The following FNDC3A variants were observed in gnomAD, a reference collection of about 807,000 sequenced individuals.
FNDC3A encodes fibronectin type-III domain-containing protein 3A.
A neutral mutation model predicts 148.9 loss-of-function variants in FNDC3A; 32 were observed. The ratio of observed to expected loss-of-function variants is 0.21; its 90% CI spans 0.16 to 0.29. The LOEUF (loss-of-function observed/expected upper bound fraction) is 0.29, where lower values mean the gene tolerates loss of function less well. Ranked by LOEUF, FNDC3A falls within the 10% of genes least tolerant of loss-of-function variation. FNDC3A has a pLI of 1.00. For synonymous variants in FNDC3A, 472 were observed against 473.6 expected (o/e 1.00, Z 0.04); for missense variants, 1,191 against 1,452.8 (o/e 0.82, Z 2.93).
intron 4 of FNDC3A, among the ~76,000 whole-genome samples, chr13:49,130,465 C>T (rs1418559750): frequency 1.3e-5 from 2 of 151,914 alleles, no homozygotes; most frequent in Non-Finnish European, 2.9e-5. Context: ...CTTGTTTTCC[C>T]CTACTCCTAG....
At chr13:49,192,780 T>C (rs1433825805) in intron 19 of FNDC3A, among the ~76,000 whole-genome samples, 1 of 152,196 alleles carries the variant, frequency 6.6e-6, no homozygotes, top group East Asian at 1.9e-4. Context: ...TAAGTAAATA[T>C]TTACTTTCCG....
chr13:49,059,795 C>G (rs947867289), intron 2 of FNDC3A, among the ~76,000 whole-genome samples: 1 of 152,086 alleles, frequency 6.6e-6, no homozygotes, highest in African/African-American at 2.4e-5. Context: ...TCTTAAGGGT[C>G]TAGCATCCAC....
intron 1 of FNDC3A, among the ~76,000 whole-genome samples, chr13:48,986,598 A>G (rs1007586763): frequency 5.3e-5 from 8 of 151,912 alleles, no homozygotes; most frequent in African/African-American, 1.9e-4. Context: ...GGGTTTCACC[A>G]TGTTGGTCAG....
At chr13:49,103,712 A>G (rs1408168713) in intron 3 of FNDC3A, among the ~76,000 whole-genome samples, 3 of 152,238 alleles carry the variant, frequency 2.0e-5, no homozygotes, top group Admixed American at 6.5e-5. Flanking sequence ...ACTTCCAAAT[A>G]GATGATGTGG....
intron 14 of FNDC3A, among the ~76,000 whole-genome samples, chr13:49,180,052 C>G (rs983578326): frequency 2.0e-5 from 3 of 152,138 alleles, no homozygotes; most frequent in Non-Finnish European, 4.4e-5. Flanking sequence ...ACAATTACAA[C>G]ACAGATACAT....
chr13:49,174,395 G>T (rs766912643), intron 11 of FNDC3A, 40 bp from the exon 12 acceptor site: 1 of 1,543,662 alleles, frequency 6.5e-7, no homozygotes, highest in Non-Finnish European at 8.9e-7. Flanking sequence ...TCTTTTTACA[G>T]TAATGTACAT....
chr13:49,173,742 A>G (rs1270110213), intron 11 of FNDC3A, among the ~76,000 whole-genome samples: 1 of 152,356 alleles, frequency 6.6e-6, no homozygotes, highest in Non-Finnish European at 1.5e-5. Context: ...GCAGTCAAGT[A>G]CAGTCTACAG....
At chr13:48,982,677 T>G (rs1951714968) in intron 1 of FNDC3A, among the ~76,000 whole-genome samples, 1 of 152,200 alleles carries the variant, frequency 6.6e-6, no homozygotes, top group South Asian at 2.1e-4. Flanking sequence ...AATTATAATT[T>G]CCTTTGTCTT....
chr13:49,078,672 G>C (rs1878274576), intron 3 of FNDC3A, among the ~76,000 whole-genome samples: 1 of 152,222 alleles, frequency 6.6e-6, no homozygotes, highest in Middle Eastern at 3.2e-3. Flanking sequence ...CTGAGCAAGA[G>C]AAGACAAGAA....
chr13:49,107,205 G>C (rs188483809), intron 3 of FNDC3A, among the ~76,000 whole-genome samples: 2 of 152,270 alleles, frequency 1.3e-5, no homozygotes, highest in East Asian at 3.9e-4. Context: ...GAAAGTGAAT[G>C]TAAGGTCAGA....
rs565767256 is a variant in FNDC3A, at chr13:49,207,629, C to G, written c.*234C>G. On this transcript the variant is annotated 3_prime_UTR_variant, in exon 26 of 26. Transcript: ENST00000492622. ...TTGTTAGGGTGGGTCTTCTTTTTTT[C>G]TTTCCCTCTCTCTTTTTTTAACAAA... 11 of 382,302 alleles carry G rather than the reference C, an allele frequency of 2.9e-5. No individual in the cohort carries two copies. Among genetic ancestry groups the G allele is most frequent in the Middle Eastern group, 7.2e-4 (1 of 1,384 alleles). The allele number at this position is 382,302 out of a possible 1,614,324, so 23.7% of individuals were successfully genotyped here.
At chr13:49,171,078 C>G (rs573104303) in intron 10 of FNDC3A, among the ~76,000 whole-genome samples, 2 of 152,214 alleles carry the variant, frequency 1.3e-5, no homozygotes, top group South Asian at 4.1e-4. Flanking sequence ...TTTTTAACTG[C>G]CACTACTTTG....
At chr13:49,108,711 G>GGCT (rs1366882010) in intron 3 of FNDC3A, among the ~76,000 whole-genome samples, 2 of 152,174 alleles carry the variant, frequency 1.3e-5, no homozygotes, top group Non-Finnish European at 1.5e-5. Context: ...TTTTTGTTTA[G>GGCT]GGGCTGAAGA....
rs1321876402 is a variant in FNDC3A, at chr13:49,034,003, T to G, written c.99+27714T>G. On this transcript the variant is annotated intron_variant, in intron 2 of 25. Coordinates refer to ENST00000492622, the MANE Select transcript of FNDC3A (RefSeq NM_001079673.2). ...TTAGGAAACTATTACTTTAAATATG[T>G]AAATTATTTATAAATGAAGTTATTT... is the stretch of plus-strand genomic sequence containing the variant. 2.6e-5 allele frequency among the ~76,000 whole-genome samples: 4 copies of G among 152,164 alleles called. No individual in the cohort carries two copies. In the South Asian group the frequency reaches 8.3e-4, roughly 31 times the overall value.
intron 2 of FNDC3A, among the ~76,000 whole-genome samples, chr13:49,051,721 T>C (rs1017799461): frequency 6.6e-6 from 1 of 152,240 alleles, no homozygotes; most frequent in Admixed American, 6.5e-5. Context: ...TCTAGATCTC[T>C]AGCAAGGCTG....
chr13:49,086,635 A>G (rs1400282592), intron 3 of FNDC3A, among the ~76,000 whole-genome samples: 3 of 152,190 alleles, frequency 2.0e-5, no homozygotes, highest in Non-Finnish European at 4.4e-5. Flanking sequence ...TTATTCCCAT[A>G]TGACTATTTA....
intron 2 of FNDC3A, among the ~76,000 whole-genome samples, chr13:49,017,512 G>C (rs1872899809): frequency 1.3e-5 from 2 of 152,184 alleles, no homozygotes; most frequent in Non-Finnish European, 2.9e-5. Flanking sequence ...CATGAGATGG[G>C]TTTCCTGAAT....
At chr13:48,997,151 T>C (rs565440165) in intron 1 of FNDC3A, among the ~76,000 whole-genome samples, 24 of 152,172 alleles carry the variant, frequency 1.6e-4, no homozygotes, top group African/African-American at 5.8e-4. Context: ...ATTGCTGTAA[T>C]CCAAGATGTA....
At chr13:49,032,990 T>G (rs1874238176) in intron 2 of FNDC3A, among the ~76,000 whole-genome samples, 1 of 152,176 alleles carries the variant, frequency 6.6e-6, no homozygotes, top group Non-Finnish European at 1.5e-5. Context: ...AGACTAAGTA[T>G]TATCAATCTT....
Sources: allele counts gnomAD v4.1 joint callset (sites outside exome capture counted in the v4.1 genomes callset), GRCh38; gene constraint gnomAD v4.1.1; transcripts MANE v1.5; gene names NCBI Gene and HGNC (gene_info 2026-07-23, HGNC 2026-07-21).